The following PAMR1 variants were observed in gnomAD, a reference collection of about 807,000 sequenced individuals.
PAMR1 encodes the protein peptidase domain containing associated with muscle regeneration 1, also known as inactive serine protease PAMR1.
A neutral mutation model predicts 81.8 loss-of-function variants in PAMR1; 88 were observed. The ratio of observed to expected loss-of-function variants is 1.08; its 90% CI spans 0.91 to 1.28. The LOEUF is 1.28. PAMR1 is among the 50% of genes most tolerant of loss of function. The probability of loss-of-function intolerance (pLI) is 0.00; values close to 1 mark genes in which losing one functional copy is unlikely to be tolerated. For synonymous variants in PAMR1, 336 were observed against 345.3 expected (o/e 0.97, Z 0.30); for missense variants, 935 against 919.7 (o/e 1.02, Z -0.21).
At chr11:35,441,373 TAA>T in intron 7 of PAMR1, 106 bp downstream of exon 7, 1 of 772,816 alleles carries the variant, frequency 1.3e-6, no homozygotes, top group Non-Finnish European at 2.2e-6. Flanking sequence ...AGAAAGGACT[TAA>T]AAGAGAAAGG....
At chr11:35,480,936 T>C (rs1430281297) in intron 3 of PAMR1, among the ~76,000 whole-genome samples, 1 of 152,216 alleles carries the variant, frequency 6.6e-6, no homozygotes, top group Admixed American at 6.5e-5. Context: ...CTCCCACTTA[T>C]GAGTGAGAAC....
chr11:35,479,297 G>A (rs764622602), intron 3 of PAMR1, among the ~76,000 whole-genome samples: 4 of 152,028 alleles, frequency 2.6e-5, no homozygotes, highest in Non-Finnish European at 4.4e-5. Flanking sequence ...ATCTTAGTTC[G>A]GCCACTTACT....
Position 35,434,593 on chromosome 11 carries a change from G to C in PAMR1, c.1545C>G (p.Ile515Met). 6.2e-7 allele frequency: 1 copy of C among 1,614,038 alleles called. No homozygotes were observed. The highest frequency in any genetic ancestry group is 1.1e-5 in the South Asian group (1 of 91,078). ...CVTDLGKVTM[I>M]KTADLKVVLG... ...AAACAACTTTCAGGTCTGCTGTCTTGATCATGGTGACCTTCCCCAGGTCAG... is the reference window on the plus strand; with the variant it reads ...AAACAACTTTCAGGTCTGCTGTCTTCATCATGGTGACCTTCCCCAGGTCAG... The change falls in exon 10 of 11, where the codon ATC becomes ATG. Residue 515 changes from isoleucine (I) to methionine (M), a missense_variant. Coordinates refer to ENST00000619888, the MANE Select transcript of PAMR1 (RefSeq NM_001001991.3).
intron 6 of PAMR1, among the ~76,000 whole-genome samples, chr11:35,463,131 C>G (rs1856691392): frequency 6.6e-6 from 1 of 152,190 alleles, no homozygotes; most frequent in African/African-American, 2.4e-5. Context: ...TTCATGAACA[C>G]CCCAAAGTTC....
rs1320717708 is a variant in PAMR1, at chr11:35,468,107, T to C, written c.714A>G (p.Ala238=). ...CATGGAAACAAGGGGATGAGGAGCA[T>C]GCTGTAAGAGAAAAGGCATCCTTCA... ...GFHAIYEEIT[A]CSSSPCFHDG... is the part of the protein sequence containing the mutation. The change falls in exon 6 of 11, where the codon GCA becomes GCG. Residue 238 remains alanine (A), a splice_region_variant and synonymous_variant. Coordinates refer to ENST00000619888, the MANE Select transcript of PAMR1 (RefSeq NM_001001991.3). The C allele has an allele frequency of 6.5e-7, 1 of 1,548,938 alleles. No individual in the cohort carries two copies. Among genetic ancestry groups the C allele is most frequent in the Non-Finnish European group, 8.7e-7 (1 of 1,144,314 alleles).
intron 6 of PAMR1, among the ~76,000 whole-genome samples, chr11:35,463,709 G>A (rs1856707011): frequency 6.6e-6 from 1 of 152,150 alleles, no homozygotes; most frequent in African/African-American, 2.4e-5. Context: ...TTCCAAGGAG[G>A]TCACCCAGGC....
At chr11:35,445,826 T>A (rs1590322951) in intron 6 of PAMR1, among the ~76,000 whole-genome samples, 1 of 152,222 alleles carries the variant, frequency 6.6e-6, no homozygotes, top group Non-Finnish European at 1.5e-5. Flanking sequence ...GGTTTTGTTA[T>A]CAGGATGATG....
chr11:35,473,724 G>A (rs1850231764), intron 4 of PAMR1, among the ~76,000 whole-genome samples: 1 of 152,166 alleles, frequency 6.6e-6, no homozygotes. Flanking sequence ...AAGGAGCCAG[G>A]TAGCATGTGG....
chr11:35,458,832 T>A (rs149342194), intron 6 of PAMR1, among the ~76,000 whole-genome samples: 197 of 152,342 alleles, frequency 1.3e-3, no homozygotes, highest in African/African-American at 4.5e-3. Context: ...ACAGACAGCA[T>A]CACATGGCCT....
intron 1 of PAMR1, among the ~76,000 whole-genome samples, chr11:35,514,119 A>C (rs1461397858): frequency 6.6e-6 from 1 of 152,228 alleles, no homozygotes; most frequent in African/African-American, 2.4e-5. Context: ...ACGGACAAGA[A>C]ACCTTGCCAC....
chr11:35,525,976 A>T (rs1480334042), upstream of PAMR1: 1 of 229,196 alleles, frequency 4.4e-6, no homozygotes, highest in Non-Finnish European at 8.7e-6. Flanking sequence ...CGGGGCGCTC[A>T]GGTGAGGCCG....
At position 35,516,656 on chromosome 11, in the gene PAMR1, T is replaced by A. The variant is rs545822810; in HGVS notation, c.73+8857A>T. Among the ~76,000 whole-genome samples the A allele has an allele frequency of 4.4e-4, 67 of 152,278 alleles. 1 individual carries two copies. The South Asian group carries it at 0.013, about 29-fold the overall frequency. On this transcript the variant is annotated intron_variant, in intron 1 of 10. Coordinates refer to ENST00000619888, the MANE Select transcript of PAMR1 (RefSeq NM_001001991.3). ...CCACAAACAACAAACAAGGGGTCAATGAACAGCGCAAACCCATGTGCTGTC... is the reference window on the plus strand; with the variant it reads ...CCACAAACAACAAACAAGGGGTCAAAGAACAGCGCAAACCCATGTGCTGTC...
intron 1 of PAMR1, among the ~76,000 whole-genome samples, chr11:35,512,347 A>G (rs11602690): frequency 0.07 from 10,691 of 152,178 alleles, 470 homozygotes; most frequent in South Asian, 0.12. Context: ...GAGGTAGGTT[A>G]TTTTCTTCAT....
intron 6 of PAMR1, among the ~76,000 whole-genome samples, chr11:35,458,612 T>C (rs1398539382): frequency 6.6e-6 from 1 of 152,192 alleles, no homozygotes; most frequent in Non-Finnish European, 1.5e-5. Context: ...GCAAAATTGA[T>C]GACTGTCATC....
At chr11:35,457,764 C>A (rs1004435038) in intron 6 of PAMR1, among the ~76,000 whole-genome samples, 5 of 152,114 alleles carry the variant, frequency 3.3e-5, no homozygotes, top group Non-Finnish European at 5.9e-5. Flanking sequence ...GATAAGACTG[C>A]ATTATCAAGG....
intron 10 of PAMR1, 141 bp from the exon 11 acceptor site, chr11:35,433,033 T>C: frequency 1.4e-6 from 1 of 734,436 alleles, no homozygotes; most frequent in Non-Finnish European, 2.1e-6. Context: ...ACTCAAGAAA[T>C]CATGGAAAAC....
chr11:35,489,453 G>A (rs954824426), intron 3 of PAMR1, among the ~76,000 whole-genome samples: 1 of 152,164 alleles, frequency 6.6e-6, no homozygotes, highest in Non-Finnish European at 1.5e-5. Flanking sequence ...CTGAAGCGCT[G>A]CAATCGCACT....
intron 6 of PAMR1, among the ~76,000 whole-genome samples, chr11:35,446,202 C>T (rs1268444087): frequency 6.6e-6 from 1 of 151,940 alleles, no homozygotes; most frequent in African/African-American, 2.4e-5. Context: ...TATATTGTGT[C>T]TATTTGATTC....
intron 4 of PAMR1, among the ~76,000 whole-genome samples, chr11:35,473,937 G>A (rs1217370342): frequency 1.3e-5 from 2 of 152,194 alleles, no homozygotes; most frequent in Admixed American, 6.5e-5. Context: ...GCAATCAGAA[G>A]GCAGTTCTTT....
Sources: allele counts gnomAD v4.1 joint callset (sites outside exome capture counted in the v4.1 genomes callset), GRCh38; gene constraint gnomAD v4.1.1; transcripts MANE v1.5; gene names NCBI Gene and HGNC (gene_info 2026-07-23, HGNC 2026-07-21).